PSEN1: variants seen among roughly 807,000 people sequenced by gnomAD.
PSEN1 encodes the protein presenilin 1.
A neutral mutation model predicts 53.5 loss-of-function variants in PSEN1; 15 were observed. The observed-to-expected ratio is 0.28, with a 90% CI of 0.19 to 0.43. The LOEUF is 0.43. Ranked by LOEUF, PSEN1 falls within the 20% of genes least tolerant of loss-of-function variation. PSEN1 has a pLI of 1.00. For missense variants in PSEN1, 387 were observed against 571.2 expected (o/e 0.68, Z 3.29); for synonymous variants, 208 against 209.8 (o/e 0.99, Z 0.08).
chr14:73,196,932 C>CTTTTTTTTT (rs557577799), intron 7 of PSEN1, among the ~76,000 whole-genome samples: 25 of 128,840 alleles, frequency 1.9e-4, no homozygotes, highest in Non-Finnish European at 2.4e-4. Context: ...TTCTTTCTTT[C>CTTTTTTTTT]TTTTTTTTTT....
intron 5 of PSEN1, among the ~76,000 whole-genome samples, chr14:73,184,611 A>C (rs1595020494): frequency 1.2e-5 from 1 of 80,780 alleles, no homozygotes; most frequent in Non-Finnish European, 2.4e-5. Flanking sequence ...GGCGCCCCTC[A>C]CCTCCCGGAC....
At chr14:73,210,508 T>C (rs1157269438) in intron 9 of PSEN1, among the ~76,000 whole-genome samples, 2 of 152,210 alleles carry the variant, frequency 1.3e-5, no homozygotes, top group East Asian at 3.8e-4. Context: ...ATGAGCATGC[T>C]ACTTATAATT....
At chr14:73,168,996 A>G (rs1897806976) in intron 3 of PSEN1, 1 of 152,230 alleles carries the variant, frequency 6.6e-6, no homozygotes, top group Non-Finnish European at 1.5e-5. Flanking sequence ...GCCTCTTGCA[A>G]GGGGTTTGAG....
chr14:73,160,381 T>G (rs1045089786), intron 3 of PSEN1, among the ~76,000 whole-genome samples: 2 of 152,228 alleles, frequency 1.3e-5, no homozygotes, highest in East Asian at 3.8e-4. Context: ...GAGGTCTTGT[T>G]TGTAATTCAG....
At chr14:73,173,895 G>A in intron 5 of PSEN1, 188 bp downstream of exon 5, 1 of 729,028 alleles carries the variant, frequency 1.4e-6, no homozygotes, top group Non-Finnish European at 2.4e-6. Context: ...AGGTGCATGT[G>A]TAATGCCAGG....
chr14:73,192,977 C>T (rs1898787725), intron 7 of PSEN1, 113 bp downstream of exon 7: 3 of 843,694 alleles, frequency 3.6e-6, no homozygotes, highest in Admixed American at 1.9e-5. Context: ...CATCCCATAA[C>T]TCTTCAGTAA....
chr14:73,159,782 G>A (rs896590420), intron 3 of PSEN1, among the ~76,000 whole-genome samples: 3 of 152,088 alleles, frequency 2.0e-5, no homozygotes, highest in Non-Finnish European at 2.9e-5. Flanking sequence ...CTCTCAGCCC[G>A]TGGCAATATG....
At chr14:73,212,621 CAA>C (rs1216887660) in intron 10 of PSEN1, among the ~76,000 whole-genome samples, 1 of 152,042 alleles carries the variant, frequency 6.6e-6, no homozygotes, top group Non-Finnish European at 1.5e-5. Context: ...CTTTTGTTGA[CAA>C]GTGCTATATT....
At chr14:73,187,773 T>C (rs1425187538) in intron 6 of PSEN1, among the ~76,000 whole-genome samples, 2 of 151,934 alleles carry the variant, frequency 1.3e-5, no homozygotes, top group Admixed American at 6.6e-5. Context: ...TCCGAACATA[T>C]AAAAAGAAAA....
intron 10 of PSEN1, among the ~76,000 whole-genome samples, chr14:73,213,029 C>T (rs1208457313): frequency 6.6e-6 from 1 of 152,188 alleles, no homozygotes. Context: ...ACTTTTTACA[C>T]CTTGTCCTCA....
chr14:73,212,302 G>C (rs147502410), intron 10 of PSEN1, among the ~76,000 whole-genome samples: 3,255 of 151,156 alleles, frequency 0.022, 54 homozygotes, highest in Non-Finnish European at 0.031. Context: ...GTAGAGATGG[G>C]GTTTCACCAT....
chr14:73,180,802 A>G (rs577980368), intron 5 of PSEN1, among the ~76,000 whole-genome samples: 11 of 152,328 alleles, frequency 7.2e-5, no homozygotes, highest in Non-Finnish European at 1.3e-4. Flanking sequence ...ATGTGTGTGT[A>G]TAACATAGTA....
intron 1 of PSEN1, among the ~76,000 whole-genome samples, chr14:73,142,082 A>G (rs2140495067): frequency 6.6e-6 from 1 of 151,648 alleles, no homozygotes; most frequent in South Asian, 2.1e-4. Context: ...AAAAAAAAAG[A>G]AAAGAAACTA....
intron 6 of PSEN1, among the ~76,000 whole-genome samples, chr14:73,192,390 G>A (rs761186752): frequency 2.6e-5 from 4 of 152,022 alleles, no homozygotes; most frequent in South Asian, 2.1e-4. Context: ...GCAGTGAGCC[G>A]TGATTGCACC....
At position 73,221,671 on chromosome 14, in the gene PSEN1, G is replaced by A. The variant is rs181556440; in HGVS notation, c.*2382G>A. 2 of 151,966 alleles carry A rather than the reference G, an allele frequency of 1.3e-5. No homozygotes were observed. Among genetic ancestry groups the A allele is most frequent in the South Asian group, 4.2e-4 (2 of 4,814 alleles). 9.4% of individuals were successfully genotyped at this position (151,966 alleles called of 1,614,324 possible). A position where few individuals can be genotyped will look rare whatever the true frequency, so the allele number is the denominator to read the frequency against. On this transcript the variant is annotated 3_prime_UTR_variant, in exon 12 of 12. Transcript: ENST00000324501. ...TCCTGGGCTCAAGTAATCCACCTCAGCCTGAGTAGCTGAGACTACAGCCCA... is the reference window on the plus strand; with the variant it reads ...TCCTGGGCTCAAGTAATCCACCTCAACCTGAGTAGCTGAGACTACAGCCCA...
intron 9 of PSEN1, among the ~76,000 whole-genome samples, chr14:73,209,281 T>G (rs1023264584): frequency 6.6e-6 from 1 of 152,198 alleles, no homozygotes; most frequent in African/African-American, 2.4e-5. Context: ...CCTCCCCTGC[T>G]GCAGCTGCCA....
At position 73,218,999 on chromosome 14, in the gene PSEN1, G is replaced by T. The variant is rs538784834; in HGVS notation, c.1249-135G>T. On this transcript the variant is annotated intron_variant, in intron 11 of 11. Coordinates refer to ENST00000324501, the MANE Select transcript of PSEN1 (RefSeq NM_000021.4). ...AGCTCTTCTTCCAGATTGAATGAAC[G>T]TCTGTTCTAAAATTTAACCCCAAAA... The T allele has an allele frequency of 2.8e-5, 26 of 944,804 alleles. No homozygotes were observed. In the South Asian group the frequency reaches 3.4e-4, roughly 12 times the overall value. The allele number at this position is 944,804 out of a possible 1,614,324, so 58.5% of individuals were successfully genotyped here.
At chr14:73,163,523 A>G (rs184958023) in intron 3 of PSEN1, among the ~76,000 whole-genome samples, 172 of 152,386 alleles carry the variant, frequency 1.1e-3, no homozygotes, top group Middle Eastern at 0.01. Flanking sequence ...AAGGTCAATA[A>G]CATGTGCTGT....
intron 8 of PSEN1, among the ~76,000 whole-genome samples, chr14:73,205,258 C>T (rs1218048699): frequency 1.3e-5 from 2 of 151,988 alleles, no homozygotes; most frequent in Admixed American, 6.6e-5. Flanking sequence ...GGGCGGATCA[C>T]GAGGTCAGGA....
Sources: allele counts gnomAD v4.1 joint callset (sites outside exome capture counted in the v4.1 genomes callset), GRCh38; gene constraint gnomAD v4.1.1; transcripts MANE v1.5; gene names NCBI Gene and HGNC (gene_info 2026-07-23, HGNC 2026-07-21).